SCN3A: variants seen among roughly 807,000 people sequenced by gnomAD.
The protein encoded by SCN3A is sodium channel protein type 3 subunit alpha.
A neutral mutation model predicts 187.6 loss-of-function variants in SCN3A; 60 were observed. The ratio of observed to expected loss-of-function variants is 0.32; its 90% CI spans 0.26 to 0.40. The LOEUF (loss-of-function observed/expected upper bound fraction) is 0.40, where lower values mean the gene tolerates loss of function less well. Among genes scored for constraint, SCN3A ranks in the 10% least tolerant of loss-of-function variants. The pLI is 1.00. For missense variants in SCN3A, 1,601 were observed against 2,428.2 expected (o/e 0.66, Z 7.16); for synonymous variants, 788 against 829.2 (o/e 0.95, Z 0.85).
chr2:165,092,228 CCTCT>C lies in SCN3A; in HGVS notation c.4807+22_4807+25del. The C allele has an allele frequency of 6.2e-7, 1 of 1,611,072 alleles. No individual in the cohort carries two copies. On this transcript the variant is annotated intron_variant, in intron 27 of 27. Coordinates refer to ENST00000283254, the MANE Select transcript of SCN3A (RefSeq NM_006922.4). The surrounding 1 kb of genome is among the most constrained non-coding windows in gnomAD (Gnocchi z 4.2). ...GGGCAACTGTTTCTCTGTAACTATA[CCTCT>C]TGGTAATTAAGCTGTTCTTACCTAC...
rs745759857 is a variant in SCN3A, at chr2:165,163,718, G to C, written c.603-9C>G. 8.7e-6 allele frequency: 14 copies of C among 1,613,846 alleles called. 1 individual carries two copies. In the South Asian group the frequency reaches 1.5e-4, roughly 18 times the overall value. On this transcript the variant is annotated splice_polypyrimidine_tract_variant and intron_variant, in intron 6 of 27. Coordinates refer to ENST00000283254, the MANE Select transcript of SCN3A (RefSeq NM_006922.4). Reference sequence around the variant, plus strand: ...CAAACTCTGTCACATATCTGTAATAGGGGAGTTCACACACAAACACAATAA... The same window carrying C: ...CAAACTCTGTCACATATCTGTAATACGGGAGTTCACACACAAACACAATAA...
chr2:165,131,473 C>A, intron 15 of SCN3A, 56 bp from the exon 16 acceptor site: 1 of 1,238,058 alleles, frequency 8.1e-7, no homozygotes, highest in South Asian at 1.6e-5. Context: ...TGATGCTACA[C>A]GAATTTATAA....
chr2:165,103,534 C>T lies in SCN3A; in HGVS notation c.3844-3110G>A, dbSNP rs190274013. Reference sequence around the variant, plus strand: ...AAATTTTTAATATGAATTTATATGACCCTAGGTACCATATCACACTACACA... The same window carrying T: ...AAATTTTTAATATGAATTTATATGATCCTAGGTACCATATCACACTACACA... On this transcript the variant is annotated intron_variant, in intron 21 of 27. Transcript: ENST00000283254. Among the ~76,000 whole-genome samples, 6 of 152,194 alleles carry T rather than the reference C, an allele frequency of 3.9e-5. No homozygotes were observed. In the East Asian group the frequency reaches 9.7e-4, roughly 25 times the overall value.
intron 2 of SCN3A, among the ~76,000 whole-genome samples, chr2:165,182,974 C>CAAAAAAAAAAA (rs745609592): frequency 1.1e-5 from 1 of 87,046 alleles, no homozygotes. Context: ...AAGACCTTGT[C>CAAAAAAAAAAA]AAAAAAAAAA....
At chr2:165,107,373 C>A (rs1319182213) in intron 21 of SCN3A, among the ~76,000 whole-genome samples, 3 of 152,094 alleles carry the variant, frequency 2.0e-5, no homozygotes, top group Non-Finnish European at 4.4e-5. Flanking sequence ...CAAAATGAAT[C>A]ATTTCTATCA....
intron 18 of SCN3A, among the ~76,000 whole-genome samples, chr2:165,116,983 A>G (rs1490670748): frequency 2.3e-5 from 3 of 127,996 alleles, no homozygotes; most frequent in Non-Finnish European, 4.7e-5. Context: ...AATTTCCTCT[A>G]CATTATGGAG....
chr2:165,094,062 G>T (rs1359769212), intron 26 of SCN3A: 3 of 368,442 alleles, frequency 8.1e-6, no homozygotes, highest in African/African-American at 2.1e-5. Context: ...GAGTGGGATG[G>T]GAAGGCTAGA....
chr2:165,159,365 G>C lies in SCN3A; in HGVS notation c.1031+2943C>G, dbSNP rs539812790. Among the ~76,000 whole-genome samples the C allele has an allele frequency of 1.2e-4, 17 of 136,466 alleles. 2 individuals are homozygous for C. The highest frequency in any genetic ancestry group is 4.6e-4 in the South Asian group (2 of 4,392). 89.5% of individuals were successfully genotyped at this position (136,466 alleles called of 152,430 possible). A position where few individuals can be genotyped will look rare whatever the true frequency, so the allele number is the denominator to read the frequency against. On this transcript the variant is annotated intron_variant, in intron 9 of 27. Transcript: ENST00000283254. ...CTGGTTTGTTGTTTTGTTTTGTTTTGTTTTCTTTTGAGACAGGGTATAATT... is the reference window on the plus strand; with the variant it reads ...CTGGTTTGTTGTTTTGTTTTGTTTTCTTTTCTTTTGAGACAGGGTATAATT...
intron 11 of SCN3A, among the ~76,000 whole-genome samples, chr2:165,153,791 A>T (rs1389029581): frequency 6.6e-6 from 1 of 152,014 alleles, no homozygotes; most frequent in Non-Finnish European, 1.5e-5. Context: ...TATATTCGTG[A>T]GTCTTCACCT....
intron 2 of SCN3A, 73 bp downstream of exon 2, chr2:165,186,478 T>G (rs1691249382): frequency 6.6e-6 from 1 of 152,200 alleles, no homozygotes; most frequent in East Asian, 1.9e-4. Flanking sequence ...GATACAGCTG[T>G]CCTTGTTAAA....
intron 11 of SCN3A, among the ~76,000 whole-genome samples, chr2:165,153,133 GA>G (rs1688792897): frequency 6.6e-6 from 1 of 151,954 alleles, no homozygotes; most frequent in African/African-American, 2.4e-5. Context: ...ATAGAGTTCA[GA>G]AATAGACAAA....
chr2:165,138,171 A>C, intron 14 of SCN3A, 54 bp from the exon 15 acceptor site: 1 of 1,257,346 alleles, frequency 8.0e-7, no homozygotes, highest in Non-Finnish European at 1.2e-6. Context: ...ATGAGTTATT[A>C]TTGCTAGTAG....
In SCN3A at chr2:165,146,796, A is replaced by G; in HGVS notation, c.1614T>C (p.Leu538=). ...SEDSVKRSSF[L]FSMDGNRLTS... ...TCAGTCTGTTTCCATCCATGGAGAA[A>G]AGGAAGCTGCTTCTTTTGACGCTGT... Residue 538 remains leucine, a synonymous_variant, in exon 12 of 28, where the codon CTT becomes CTC. Coordinates refer to ENST00000283254, the MANE Select transcript of SCN3A (RefSeq NM_006922.4). The G allele has an allele frequency of 6.2e-7, 1 of 1,614,048 alleles. No homozygotes were observed. The highest frequency in any genetic ancestry group is 8.5e-7 in the Non-Finnish European group (1 of 1,179,958).
At chr2:165,147,295 GT>G (rs758918077) in intron 11 of SCN3A, among the ~76,000 whole-genome samples, 1,131 of 85,192 alleles carry the variant, frequency 0.013, 14 homozygotes, top group South Asian at 0.06. Context: ...GGGGGGGGGG[GT>G]TGGTGACAAC....
chr2:165,203,021 T>C (rs1692416810), intron 1 of SCN3A, among the ~76,000 whole-genome samples: 1 of 150,576 alleles, frequency 6.6e-6, no homozygotes, highest in Admixed American at 6.7e-5. Context: ...GGATCATAGA[T>C]AAAGTAAATT....
At chr2:165,162,392 C>A (rs768279477) in intron 8 of SCN3A, 21 bp from the exon 9 acceptor site, 10 of 1,606,180 alleles carry the variant, frequency 6.2e-6, no homozygotes, top group African/African-American at 4.0e-5. Flanking sequence ...AAAAAAAAAC[C>A]CATTTTATTT....
At chr2:165,143,696 G>A (rs1253392061) in intron 12 of SCN3A, among the ~76,000 whole-genome samples, 2 of 152,132 alleles carry the variant, frequency 1.3e-5, no homozygotes, top group East Asian at 3.8e-4. Context: ...TTTACCTCAG[G>A]CATGTCAAAA....
intron 9 of SCN3A, among the ~76,000 whole-genome samples, chr2:165,156,288 T>G (rs12987874): frequency 1.3e-5 from 2 of 150,930 alleles, no homozygotes; most frequent in Non-Finnish European, 3.0e-5. Flanking sequence ...GGGCGGATCA[T>G]AAGGTCAGGA....
chr2:165,138,964 C>T (rs17829795), intron 14 of SCN3A, among the ~76,000 whole-genome samples: 2,364 of 152,170 alleles, frequency 0.016, 29 homozygotes, highest in Non-Finnish European at 0.025. Flanking sequence ...CATTTCTTTC[C>T]GTGGTCCTTT....
Sources: allele counts gnomAD v4.1 joint callset (sites outside exome capture counted in the v4.1 genomes callset), GRCh38; gene constraint gnomAD v4.1.1; non-coding constraint Gnocchi (gnomAD v3.1); transcripts MANE v1.5; gene names NCBI Gene and HGNC (gene_info 2026-07-23, HGNC 2026-07-21).